Variants in FXYD6 observed in about 807,000 individuals in gnomAD.
The protein encoded by FXYD6 is FXYD domain-containing ion transport regulator 6.
In FXYD6, 7 loss-of-function variants were observed where a neutral mutation model predicts 16.7. The ratio of observed to expected loss-of-function variants is 0.42; its 90% CI spans 0.24 to 0.79. The LOEUF (loss-of-function observed/expected upper bound fraction) is 0.79, where lower values mean the gene tolerates loss of function less well. Ranked by LOEUF, FXYD6 falls within the 30% of genes least tolerant of loss-of-function variation. FXYD6 has a pLI of 0.28. For synonymous variants in FXYD6, 49 were observed against 43.0 expected (o/e 1.14, Z -0.54); for missense variants, 111 against 116.2 (o/e 0.95, Z 0.21).
intron 2 of FXYD6, 77 bp downstream of exon 2, chr11:117,842,642 G>A: frequency 6.9e-7 from 1 of 1,457,720 alleles, no homozygotes; most frequent in Middle Eastern, 2.1e-4. Context: ...ATGTCCCAAG[G>A]GGCCCAGAAC....
intron 1 of FXYD6, among the ~76,000 whole-genome samples, chr11:117,853,477 A>G (rs535986754): frequency 5.3e-5 from 8 of 152,210 alleles, no homozygotes; most frequent in Non-Finnish European, 2.9e-5. Flanking sequence ...TAAGCTTCAC[A>G]TACTCCAGTG....
At position 117,872,923 on chromosome 11, in the gene FXYD6, A is replaced by G. The variant is rs1447550651; in HGVS notation, c.-6+3669T>C. On this transcript the variant is annotated intron_variant, in intron 1 of 7. Coordinates refer to ENST00000526014, the MANE Select transcript of FXYD6 (RefSeq NM_022003.4). This position sits in a 1 kb window ranked among gnomAD's most constrained non-coding sequence, Gnocchi z 4.9. ...GTTCCCGACCGGCCCCTCTCGTTGC[A>G]ACTCTCCAGCTGGCCAGGGGTTCTC... Among the ~76,000 whole-genome samples, 2 of 152,074 alleles carry G rather than the reference A, an allele frequency of 1.3e-5. No individual in the cohort carries two copies. Among genetic ancestry groups the G allele is most frequent in the Admixed American group, 6.6e-5 (1 of 15,266 alleles).
intron 1 of FXYD6, among the ~76,000 whole-genome samples, chr11:117,865,161 C>T (rs991810635): frequency 1.3e-5 from 2 of 152,092 alleles, no homozygotes; most frequent in African/African-American, 4.8e-5. Context: ...AACTACAATG[C>T]GTACCACCTC....
intron 1 of FXYD6, among the ~76,000 whole-genome samples, chr11:117,857,098 G>A (rs1371758826): frequency 2.0e-5 from 3 of 152,348 alleles, no homozygotes; most frequent in African/African-American, 4.8e-5. Context: ...GAGGGCAGGA[G>A]GGAAGCCACT....
At chr11:117,841,516 C>T in intron 4 of FXYD6, 3 of 590,196 alleles carry the variant, frequency 5.1e-6, no homozygotes, top group Non-Finnish European at 3.0e-6. Context: ...TCCGTGACTG[C>T]CCCATTCATG....
At chr11:117,865,514 A>G (rs1487337183) in intron 1 of FXYD6, among the ~76,000 whole-genome samples, 1 of 152,264 alleles carries the variant, frequency 6.6e-6, no homozygotes, top group Admixed American at 6.5e-5. Context: ...ATATACACAT[A>G]AAGGAATATT....
chr11:117,876,747 T>C (rs1385468080), upstream of FXYD6: 2 of 103,440 alleles, frequency 1.9e-5, no homozygotes, highest in African/African-American at 6.9e-5. Context: ...AGGCGCGTCC[T>C]GCGGGGGCGG....
chr11:117,860,264 T>C (rs6589627), intron 1 of FXYD6, among the ~76,000 whole-genome samples: 72,331 of 151,374 alleles, frequency 0.48, 17,974 homozygotes, highest in East Asian at 0.73. Flanking sequence ...CAAAGAGCCA[T>C]GAGGGGCCAC....
intron 1 of FXYD6, among the ~76,000 whole-genome samples, chr11:117,871,543 A>G (rs543917607): frequency 6.6e-6 from 1 of 152,306 alleles, no homozygotes; most frequent in South Asian, 2.1e-4. Flanking sequence ...TTCACGGTAT[A>G]TGAGTATGTT....
At chr11:117,842,599 A>T in intron 2 of FXYD6, 120 bp downstream of exon 2, 2 of 996,468 alleles carry the variant, frequency 2.0e-6, no homozygotes, top group Non-Finnish European at 3.0e-6. Flanking sequence ...GCCCCTGACT[A>T]GACATGAAGA....
At chr11:117,839,473 G>A (rs927793238) in intron 7 of FXYD6, 2 of 411,338 alleles carry the variant, frequency 4.9e-6, no homozygotes, top group African/African-American at 4.0e-5. Flanking sequence ...GAGATTAGGA[G>A]CATTTCACTA....
chr11:117,871,575 T>C (rs2057138624), intron 1 of FXYD6, among the ~76,000 whole-genome samples: 1 of 152,222 alleles, frequency 6.6e-6, no homozygotes, highest in African/African-American at 2.4e-5. Flanking sequence ...TTAATGCCTG[T>C]TTATTGGGAA....
intron 1 of FXYD6, among the ~76,000 whole-genome samples, chr11:117,851,703 T>G (rs1400340327): frequency 6.6e-6 from 1 of 152,252 alleles, no homozygotes; most frequent in African/African-American, 2.4e-5. Flanking sequence ...TTCAAAATTT[T>G]CTTTAATGAA....
At chr11:117,861,328 T>C (rs1187459478) in intron 1 of FXYD6, among the ~76,000 whole-genome samples, 1 of 152,120 alleles carries the variant, frequency 6.6e-6, no homozygotes, top group African/African-American at 2.4e-5. Flanking sequence ...AGGAGGAGTC[T>C]GTTGGGGGAG....
chr11:117,839,549 A>G, intron 7 of FXYD6: 1 of 516,788 alleles, frequency 1.9e-6, no homozygotes. Flanking sequence ...GCTGTGTGGA[A>G]GCCCCATTTC....
At chr11:117,844,519 G>C (rs1427465043) in intron 1 of FXYD6, among the ~76,000 whole-genome samples, 1 of 151,976 alleles carries the variant, frequency 6.6e-6, no homozygotes, top group Non-Finnish European at 1.5e-5. Flanking sequence ...TTTTGAGACT[G>C]AGTCTCCCTG....
intron 1 of FXYD6, among the ~76,000 whole-genome samples, chr11:117,856,557 A>C (rs1009555530): frequency 5.3e-5 from 8 of 152,184 alleles, no homozygotes; most frequent in African/African-American, 1.9e-4. Flanking sequence ...ACGTCCCGGA[A>C]TGGGGCCTTT....
chr11:117,839,644 C>G (rs2056289866), intron 7 of FXYD6, 137 bp downstream of exon 7: 5 of 988,330 alleles, frequency 5.1e-6, no homozygotes, highest in Non-Finnish European at 7.7e-6. Context: ...CTCCTGAAGG[C>G]TCCTCAGGGC....
At chr11:117,875,884 C>T (rs992127375) in intron 1 of FXYD6, among the ~76,000 whole-genome samples, 1 of 152,204 alleles carries the variant, frequency 6.6e-6, no homozygotes, top group African/African-American at 2.4e-5. Context: ...GCACACCCAA[C>T]TCTCCACGGA....
Sources: allele counts gnomAD v4.1 joint callset (sites outside exome capture counted in the v4.1 genomes callset), GRCh38; gene constraint gnomAD v4.1.1; non-coding constraint Gnocchi (gnomAD v3.1); transcripts MANE v1.5; gene names NCBI Gene and HGNC (gene_info 2026-07-23, HGNC 2026-07-21).